Variants in PCSK2 observed in about 807,000 individuals in gnomAD.
The protein encoded by PCSK2 is neuroendocrine convertase 2.
PCSK2 carries 14 observed loss-of-function variants against 69.7 expected under a neutral mutation model. That is an observed-to-expected ratio of 0.20 (90% CI 0.13 to 0.31). PCSK2 has a LOEUF of 0.31. Ranked by LOEUF, PCSK2 falls within the 10% of genes least tolerant of loss-of-function variation. The pLI, the probability that PCSK2 is intolerant of heterozygous loss-of-function variation, is 1.00. For synonymous variants in PCSK2, 307 were observed against 320.7 expected (o/e 0.96, Z 0.46); for missense variants, 544 against 842.5 (o/e 0.65, Z 4.39).
chr20:17,300,980 A>T (rs1205201193), intron 2 of PCSK2, among the ~76,000 whole-genome samples: 1 of 152,222 alleles, frequency 6.6e-6, no homozygotes, highest in African/African-American at 2.4e-5. Flanking sequence ...AAATGACCCA[A>T]TGAAATAAGT....
At chr20:17,298,221 C>G (rs1988960421) in intron 2 of PCSK2, among the ~76,000 whole-genome samples, 1 of 152,160 alleles carries the variant, frequency 6.6e-6, no homozygotes, top group South Asian at 2.1e-4. Context: ...TTCCTCTGTA[C>G]TTGACTACTT....
At chr20:17,439,697 G>T (rs1284643812) in intron 8 of PCSK2, among the ~76,000 whole-genome samples, 1 of 152,150 alleles carries the variant, frequency 6.6e-6, no homozygotes, top group African/African-American at 2.4e-5. Flanking sequence ...ACAAAAATTG[G>T]CAAGTTCACA....
intron 2 of PCSK2, among the ~76,000 whole-genome samples, chr20:17,337,691 G>A (rs914826321): frequency 2.0e-5 from 3 of 152,028 alleles, no homozygotes; most frequent in Non-Finnish European, 2.9e-5. Context: ...TTGGGAGTCC[G>A]ATGCAGGAGG....
intron 11 of PCSK2, among the ~76,000 whole-genome samples, chr20:17,480,472 A>C (rs1331546538): frequency 6.6e-6 from 1 of 152,146 alleles, no homozygotes; most frequent in Non-Finnish European, 1.5e-5. Flanking sequence ...TACAGGCGTG[A>C]GCCACTGCGC....
intron 10 of PCSK2, among the ~76,000 whole-genome samples, chr20:17,460,873 G>C (rs1362565869): frequency 6.6e-6 from 1 of 152,132 alleles, no homozygotes; most frequent in Non-Finnish European, 1.5e-5. Context: ...ACTGTGCTAG[G>C]TACTTTACAT....
At chr20:17,474,719 C>T (rs760279591) in intron 11 of PCSK2, among the ~76,000 whole-genome samples, 5 of 152,146 alleles carry the variant, frequency 3.3e-5, no homozygotes, top group Non-Finnish European at 7.3e-5. Context: ...CAGTGAGGCT[C>T]CTTCTTGGGA....
At chr20:17,246,903 A>G (rs149114473) in intron 1 of PCSK2, among the ~76,000 whole-genome samples, 1 of 152,302 alleles carries the variant, frequency 6.6e-6, no homozygotes, top group African/African-American at 2.4e-5. Flanking sequence ...TAAGAAATAA[A>G]ATCACTCTGG....
chr20:17,428,684 G>C (rs534892764), intron 6 of PCSK2, among the ~76,000 whole-genome samples: 10 of 152,178 alleles, frequency 6.6e-5, no homozygotes, highest in African/African-American at 2.4e-4. Context: ...TGATTCAGTA[G>C]TTGTTCCACC....
chr20:17,347,557 G>A (rs1990682450), intron 2 of PCSK2, among the ~76,000 whole-genome samples: 1 of 152,046 alleles, frequency 6.6e-6, no homozygotes, highest in Admixed American at 6.6e-5. Flanking sequence ...CAAAGGCAAA[G>A]GCAGAAAAGC....
At chr20:17,358,509 T>A (rs2030284646) in intron 3 of PCSK2, 69 bp downstream of exon 3, 1 of 851,530 alleles carries the variant, frequency 1.2e-6, no homozygotes, top group Non-Finnish European at 2.0e-6. Context: ...AATTCCTGTA[T>A]CCTCATTATT....
At chr20:17,361,966 C>A (rs1077138) in intron 4 of PCSK2, among the ~76,000 whole-genome samples, 2,014 of 152,286 alleles carry the variant, frequency 0.013, 15 homozygotes, top group East Asian at 0.032. Flanking sequence ...GGAAAACCTA[C>A]CTAGGAGATA....
At chr20:17,226,770 G>C (rs1273389480), upstream of PCSK2, among the ~76,000 whole-genome samples, 1 of 147,370 alleles carries the variant, frequency 6.8e-6, no homozygotes, top group Admixed American at 6.7e-5. Context: ...GGAGCTCTCC[G>C]GTGCTGAAAG....
At chr20:17,273,878 A>C (rs551707542) in intron 2 of PCSK2, among the ~76,000 whole-genome samples, 1 of 152,178 alleles carries the variant, frequency 6.6e-6, no homozygotes, top group Non-Finnish European at 1.5e-5. Context: ...CTATCCTAGC[A>C]CATGAATTCC....
At chr20:17,270,575 A>G (rs2123023404) in intron 2 of PCSK2, among the ~76,000 whole-genome samples, 1 of 152,268 alleles carries the variant, frequency 6.6e-6, no homozygotes, top group South Asian at 2.1e-4. Context: ...TGTCCCATTT[A>G]GCAATAAAGA....
chr20:17,358,168 T>C (rs1337747153), intron 2 of PCSK2, among the ~76,000 whole-genome samples, 159 bp from the exon 3 acceptor site: 1 of 151,626 alleles, frequency 6.6e-6, no homozygotes, highest in African/African-American at 2.4e-5. Context: ...AAAATAATAA[T>C]AATAATGGTA....
At chr20:17,281,963 C>T (rs1349497454) in intron 2 of PCSK2, among the ~76,000 whole-genome samples, 2 of 152,054 alleles carry the variant, frequency 1.3e-5, no homozygotes, top group South Asian at 4.2e-4. Context: ...CCTCCCCTTC[C>T]CCATATTATT....
chr20:17,318,497 A>G (rs1453715218), intron 2 of PCSK2, among the ~76,000 whole-genome samples: 12 of 152,232 alleles, frequency 7.9e-5, no homozygotes, highest in Non-Finnish European at 4.4e-5. Flanking sequence ...CAAAGGCAAA[A>G]TGCATTCTGC....
chr20:17,307,146 G>C (rs1989351822), intron 2 of PCSK2, among the ~76,000 whole-genome samples: 1 of 152,046 alleles, frequency 6.6e-6, no homozygotes, highest in Non-Finnish European at 1.5e-5. Flanking sequence ...TTCTTAATTT[G>C]ACAAATTTTT....
At chr20:17,442,239 A>G (rs1600583561) in intron 8 of PCSK2, among the ~76,000 whole-genome samples, 1 of 151,454 alleles carries the variant, frequency 6.6e-6, no homozygotes, top group East Asian at 2.0e-4. Context: ...ACTTCTAGAG[A>G]TGGATTCTAT....
Sources: allele counts gnomAD v4.1 joint callset (sites outside exome capture counted in the v4.1 genomes callset), GRCh38; gene constraint gnomAD v4.1.1; transcripts MANE v1.5; gene names NCBI Gene and HGNC (gene_info 2026-07-23, HGNC 2026-07-21).